UGT2A2: variants seen among roughly 807,000 people sequenced by gnomAD.
UGT2A2 encodes the protein UDP glucuronosyltransferase family 2 member A2.
UGT2A2 carries 60 observed loss-of-function variants against 50.7 expected under a neutral mutation model. The ratio of observed to expected loss-of-function variants is 1.18; its 90% CI spans 0.96 to 1.47. The LOEUF is 1.47. UGT2A2 is among the 40% of genes most tolerant of loss of function. UGT2A2 has a pLI of 0.00. For synonymous variants in UGT2A2, 242 were observed against 214.6 expected (o/e 1.13, Z -1.11); for missense variants, 762 against 634.0 (o/e 1.20, Z -2.17).
chr4:69,592,356 A>G (rs779033567), intron 5 of UGT2A2, among the ~76,000 whole-genome samples: 13 of 152,226 alleles, frequency 8.5e-5, no homozygotes, highest in Non-Finnish European at 5.9e-5. Flanking sequence ...GAGAAAAAAT[A>G]ACAGCCTGAT....
rs1285237884 is a variant in UGT2A2 at position 69,607,896 on chromosome 4, C to T, written c.743-8502G>A. Among the ~76,000 whole-genome samples, 14 of 152,122 alleles carry T rather than the reference C, an allele frequency of 9.2e-5. No individual in the cohort carries two copies. The East Asian group carries it at 1.4e-3, about 15-fold the overall frequency. On this transcript the variant is annotated intron_variant, in intron 1 of 5. Coordinates refer to ENST00000604629, the MANE Select transcript of UGT2A2 (RefSeq NM_001105677.2). ...TACCATCTCACACCAGTTAGAATGGCGATCATTAAAAAGTCAGGAAACAAC... is the reference window on the plus strand; with the variant it reads ...TACCATCTCACACCAGTTAGAATGGTGATCATTAAAAAGTCAGGAAACAAC...
chr4:69,609,756 T>C (rs898886670), intron 1 of UGT2A2, among the ~76,000 whole-genome samples: 1 of 152,202 alleles, frequency 6.6e-6, no homozygotes, highest in Non-Finnish European at 1.5e-5. Flanking sequence ...AATACAATTG[T>C]TCTTCTGGAA....
intron 1 of UGT2A2, among the ~76,000 whole-genome samples, chr4:69,629,735 G>A (rs1376656986): frequency 5.3e-5 from 8 of 151,948 alleles, no homozygotes. Context: ...TCTTTTCTGG[G>A]CTACCCTTCA....
intron 1 of UGT2A2, among the ~76,000 whole-genome samples, chr4:69,629,413 A>G (rs1335942340): frequency 3.3e-5 from 5 of 152,100 alleles, no homozygotes; most frequent in Non-Finnish European, 5.9e-5. Flanking sequence ...TTTGGAATAC[A>G]GTGCCTAATA....
chr4:69,626,103 A>G (rs1560485981), intron 1 of UGT2A2, among the ~76,000 whole-genome samples: 1 of 151,380 alleles, frequency 6.6e-6, no homozygotes, highest in Non-Finnish European at 1.5e-5. Context: ...TGCTTTGTTA[A>G]CTACTTCATA....
At chr4:69,625,180 C>A (rs546687102) in intron 1 of UGT2A2, among the ~76,000 whole-genome samples, 1 of 149,610 alleles carries the variant, frequency 6.7e-6, no homozygotes, top group Admixed American at 6.7e-5. Context: ...TTTTTCTTTG[C>A]TAGATGAAGT....
chr4:69,594,135 C>T (rs1215696005), intron 5 of UGT2A2, among the ~76,000 whole-genome samples: 1 of 151,708 alleles, frequency 6.6e-6, no homozygotes, highest in Non-Finnish European at 1.5e-5. Context: ...CTATCATACC[C>T]GGCTAAATTT....
At chr4:69,616,343 A>G (rs548040983) in intron 1 of UGT2A2, among the ~76,000 whole-genome samples, 1 of 152,090 alleles carries the variant, frequency 6.6e-6, no homozygotes, top group African/African-American at 2.4e-5. Context: ...TATAGTTAAT[A>G]ATAATTTGTG....
chr4:69,606,582 G>T (rs1417053844), intron 1 of UGT2A2, among the ~76,000 whole-genome samples: 1 of 136,280 alleles, frequency 7.3e-6, no homozygotes, highest in East Asian at 2.1e-4. Flanking sequence ...GTGCAATCAG[G>T]CAGGAGAAGG....
At chr4:69,625,103 T>A (rs1720967857) in intron 1 of UGT2A2, among the ~76,000 whole-genome samples, 1 of 151,268 alleles carries the variant, frequency 6.6e-6, no homozygotes. Context: ...ATTTTAGTAC[T>A]TTTTAGGTGT....
At chr4:69,600,775 A>AAG (rs929206123) in intron 1 of UGT2A2, among the ~76,000 whole-genome samples, 2 of 151,514 alleles carry the variant, frequency 1.3e-5, no homozygotes, top group African/African-American at 4.9e-5. Context: ...GAGCAGGAGC[A>AAG]AGAGAGAGAG....
intron 1 of UGT2A2, among the ~76,000 whole-genome samples, chr4:69,622,198 A>C (rs191682912): frequency 2.4e-4 from 37 of 152,010 alleles, no homozygotes; most frequent in African/African-American, 8.9e-4. Flanking sequence ...ATATGAGCTT[A>C]AAATAGCCAA....
At chr4:69,599,671 G>T in intron 1 of UGT2A2, 4 of 300,584 alleles carry the variant, frequency 1.3e-5, no homozygotes, top group East Asian at 6.4e-5. Flanking sequence ...TGAGAAAAAG[G>T]GAAGAAAGAG....
At chr4:69,619,152 C>T (rs1720592806) in intron 1 of UGT2A2, among the ~76,000 whole-genome samples, 1 of 151,848 alleles carries the variant, frequency 6.6e-6, no homozygotes, top group African/African-American at 2.4e-5. Flanking sequence ...AATCCCAGTA[C>T]TTTGGTAAGC....
intron 1 of UGT2A2, 80 bp downstream of exon 1, chr4:69,638,819 G>C: frequency 1.4e-6 from 2 of 1,436,100 alleles, no homozygotes; most frequent in Non-Finnish European, 1.8e-6. Flanking sequence ...ATATGCAGTG[G>C]AATGGAAATC....
chr4:69,639,540 A>C lies in UGT2A2; in HGVS notation c.101T>G (p.Ile34Ser). Residue 34 changes from isoleucine to serine, a missense_variant, in exon 1 of 6, where the codon ATT (isoleucine) becomes AGT (serine). Physicochemically the swap from Ile to Ser is moderately radical, Grantham distance 142. Coordinates refer to ENST00000604629, the MANE Select transcript of UGT2A2 (RefSeq NM_001105677.2). The stretch of plus-strand genomic sequence containing the variant: ...CCAATGGCTACCATCTGTAGGCCAA[A>C]TTAACACATTCCCACTTAGAACAAC... ...TEVVLSGNVL[I>S]WPTDGSHWLN... 1 of 1,613,288 alleles carries C rather than the reference A, an allele frequency of 6.2e-7. No homozygotes were observed.
At position 69,639,047 on chromosome 4, in the gene UGT2A2, T is replaced by A. The variant is rs771540067; in HGVS notation, c.594A>T (p.Pro198=). Residue 198 remains proline (P), a synonymous_variant, in exon 1 of 6, where the codon CCA becomes CCT. Transcript: ENST00000604629. The stretch of plus-strand genomic sequence containing the variant: ...ATAAGGCTGCCGGTACATAGGAGAC[T>A]GGTGCTGGGATTTTCCCACAGTGTC... The part of the protein sequence containing the change: ...VERHCGKIPA[P]VSYVPAALSE... 7.4e-6 allele frequency: 12 copies of A among 1,613,452 alleles called. No individual in the cohort carries two copies. The highest frequency in any genetic ancestry group is 1.0e-5 in the Non-Finnish European group (12 of 1,179,644).
At position 69,588,838 on chromosome 4, in the gene UGT2A2, T is replaced by A. The variant is rs575789943; in HGVS notation, c.*534A>T. On this transcript the variant is annotated 3_prime_UTR_variant, in exon 6 of 6. Transcript: ENST00000604629. ...CACGTCACACTTAAAATTCATTCTC[T>A]AACTCCTGAAACATTGAGCAAGCAG... 2.6e-5 allele frequency: 4 copies of A among 152,140 alleles called. No homozygotes were observed. The highest frequency in any genetic ancestry group is 5.9e-5 in the Non-Finnish European group (4 of 68,064). The allele number at this position is 152,140 out of a possible 1,614,324, so 9.4% of individuals were successfully genotyped here.
At chr4:69,608,446 G>A (rs1719814669) in intron 1 of UGT2A2, among the ~76,000 whole-genome samples, 1 of 151,476 alleles carries the variant, frequency 6.6e-6, no homozygotes, top group Non-Finnish European at 1.5e-5. Flanking sequence ...GGGAAGGATA[G>A]CGTTGGGAAA....
Sources: gnomAD v4.1 joint callset for allele counts (sites outside exome capture counted in the v4.1 genomes callset) on GRCh38, gnomAD v4.1.1 for gene constraint, MANE v1.5 for transcripts, NCBI Gene and HGNC (gene_info 2026-07-23, HGNC 2026-07-21) for gene names.